Variants in CA10 observed in about 807,000 individuals in gnomAD.
CA10 encodes the protein carbonic anhydrase-related protein 10.
In CA10, 14 loss-of-function variants were observed where a neutral mutation model predicts 44.2. That is an observed-to-expected ratio of 0.32 (90% CI 0.21 to 0.50). The LOEUF is 0.50. Ranked by LOEUF, CA10 falls within the 20% of genes least tolerant of loss-of-function variation. The pLI, the probability that CA10 is intolerant of heterozygous loss-of-function variation, is 0.99. For synonymous variants in CA10, 159 were observed against 141.6 expected (o/e 1.12, Z -0.87); for missense variants, 350 against 409.7 (o/e 0.85, Z 1.26).
intron 2 of CA10, among the ~76,000 whole-genome samples, chr17:52,033,160 C>T (rs1052116165): frequency 1.3e-5 from 2 of 152,086 alleles, no homozygotes; most frequent in African/African-American, 2.4e-5. Flanking sequence ...AAGAATGTTT[C>T]ATACAAAATG....
At chr17:52,085,771 T>A (rs1988101390) in intron 1 of CA10, among the ~76,000 whole-genome samples, 2 of 152,204 alleles carry the variant, frequency 1.3e-5, no homozygotes, top group South Asian at 4.1e-4. Context: ...AATTTAGACA[T>A]TTGTTTCTCA....
intron 1 of CA10, among the ~76,000 whole-genome samples, chr17:52,102,638 T>C (rs1282028445): frequency 6.6e-6 from 1 of 152,200 alleles, no homozygotes; most frequent in African/African-American, 2.4e-5. Context: ...ATATCTTCCT[T>C]GCCTTGCTTC....
intron 3 of CA10, among the ~76,000 whole-genome samples, chr17:51,783,373 G>A (rs1338027714): frequency 6.6e-6 from 1 of 152,138 alleles, no homozygotes; most frequent in African/African-American, 2.4e-5. Context: ...CTTATTAATG[G>A]CTAAATAAAA....
intron 2 of CA10, among the ~76,000 whole-genome samples, chr17:52,003,639 T>C (rs921444894): frequency 6.6e-6 from 1 of 151,938 alleles, no homozygotes; most frequent in African/African-American, 2.4e-5. Context: ...TATCCAATGA[T>C]ACTGGAGTAG....
At chr17:52,127,998 G>T (rs1452246125) in intron 1 of CA10, among the ~76,000 whole-genome samples, 1 of 152,156 alleles carries the variant, frequency 6.6e-6, no homozygotes, top group Non-Finnish European at 1.5e-5. Context: ...GATAGGTATT[G>T]CTTTGATCTA....
intron 2 of CA10, among the ~76,000 whole-genome samples, chr17:51,991,137 G>A (rs893827284): frequency 6.6e-6 from 1 of 152,052 alleles, no homozygotes; most frequent in Admixed American, 6.6e-5. Context: ...TTATCACCTA[G>A]GGTTTCTGAC....
chr17:51,955,877 T>C (rs1406292431), intron 2 of CA10, among the ~76,000 whole-genome samples: 2 of 151,576 alleles, frequency 1.3e-5, no homozygotes, highest in Non-Finnish European at 2.9e-5. Flanking sequence ...ACCTAATGCA[T>C]GCGGGGCTTA....
At chr17:51,959,593 G>T (rs570019944) in intron 2 of CA10, among the ~76,000 whole-genome samples, 20 of 152,018 alleles carry the variant, frequency 1.3e-4, no homozygotes, top group Non-Finnish European at 2.6e-4. Context: ...CCAAGGCAGC[G>T]TAACAACTGC....
chr17:51,920,991 C>A (rs934744691), intron 3 of CA10, among the ~76,000 whole-genome samples: 1 of 152,090 alleles, frequency 6.6e-6, no homozygotes, highest in Non-Finnish European at 1.5e-5. Context: ...AAGGAGAGAG[C>A]CTGTATCCAA....
intron 2 of CA10, among the ~76,000 whole-genome samples, chr17:52,066,082 T>C (rs1237303511): frequency 6.6e-6 from 1 of 152,170 alleles, no homozygotes; most frequent in East Asian, 1.9e-4. Context: ...TCAATTAAAC[T>C]TGATATCTTT....
Position 51,908,638 on chromosome 17 carries a change from G to T in CA10, c.279+22352C>A, listed in dbSNP as rs2039839492. On this transcript the variant is annotated intron_variant, in intron 3 of 8. Transcript: ENST00000451037. ...AGCTCTACACCAAAATAAAATGGGAGGGAGCCAATAGGAATAGCTAAGTAT... is the reference window on the plus strand; with the variant it reads ...AGCTCTACACCAAAATAAAATGGGATGGAGCCAATAGGAATAGCTAAGTAT... 2.0e-5 allele frequency among the ~76,000 whole-genome samples: 3 copies of T among 152,044 alleles called. No individual in the cohort carries two copies. The South Asian group carries it at 6.2e-4, about 32-fold the overall frequency.
chr17:51,882,230 G>T (rs1042135808), intron 3 of CA10, among the ~76,000 whole-genome samples: 6 of 147,318 alleles, frequency 4.1e-5, no homozygotes, highest in Non-Finnish European at 8.8e-5. Context: ...TTTTATAAAA[G>T]ATAGCTATTT....
intron 3 of CA10, among the ~76,000 whole-genome samples, chr17:51,910,077 T>A (rs1981726390): frequency 6.6e-6 from 1 of 152,088 alleles, no homozygotes; most frequent in Admixed American, 6.6e-5. Flanking sequence ...TTAAACCAGA[T>A]GCACCATGAG....
In CA10 at chr17:52,116,298, T is replaced by C. The variant is rs567306951; in HGVS notation, c.61+41428A>G. Reference sequence around the variant, plus strand: ...GCCAGGACCCCAATTCACAAGATGCTCTTTTCTCTCCCTTGTTGGAGGGGA... The same window carrying C: ...GCCAGGACCCCAATTCACAAGATGCCCTTTTCTCTCCCTTGTTGGAGGGGA... On this transcript the variant is annotated intron_variant, in intron 1 of 8. Transcript: ENST00000451037. Among the ~76,000 whole-genome samples, 9 of 152,302 alleles carry C rather than the reference T, an allele frequency of 5.9e-5. 1 individual carries two copies. The South Asian group carries it at 1.9e-3, about 32-fold the overall frequency.
intron 2 of CA10, among the ~76,000 whole-genome samples, chr17:52,040,735 C>T (rs920346697): frequency 2.0e-5 from 3 of 151,976 alleles, no homozygotes. Context: ...GGACAGAGTT[C>T]AGAGTTCGGA....
intron 3 of CA10, among the ~76,000 whole-genome samples, chr17:51,803,600 G>T (rs971747181): frequency 6.6e-6 from 1 of 152,212 alleles, no homozygotes; most frequent in Non-Finnish European, 1.5e-5. Flanking sequence ...TTTAGGAAAA[G>T]GAGAAATGTG....
At chr17:51,849,130 T>C (rs969570983) in intron 3 of CA10, among the ~76,000 whole-genome samples, 5 of 144,464 alleles carry the variant, frequency 3.5e-5, no homozygotes, top group African/African-American at 1.0e-4. Context: ...TATATAAATA[T>C]AAAAACTTAG....
At chr17:51,736,342 A>C (rs1459857979) in intron 4 of CA10, among the ~76,000 whole-genome samples, 3 of 152,166 alleles carry the variant, frequency 2.0e-5, no homozygotes, top group Admixed American at 2.0e-4. Flanking sequence ...CAGGTAGAAA[A>C]TGCTTGACCC....
chr17:52,119,162 T>C (rs1371627521), intron 1 of CA10, among the ~76,000 whole-genome samples: 1 of 152,228 alleles, frequency 6.6e-6, no homozygotes, highest in East Asian at 1.9e-4. Flanking sequence ...TGTGACAAAA[T>C]TTGGAGCATA....
Sources: gnomAD v4.1 joint callset for allele counts (sites outside exome capture counted in the v4.1 genomes callset) on GRCh38, gnomAD v4.1.1 for gene constraint, MANE v1.5 for transcripts, NCBI Gene and HGNC (gene_info 2026-07-23, HGNC 2026-07-21) for gene names.